The following ATP6V1H variants were observed in gnomAD, a reference collection of about 807,000 sequenced individuals.
ATP6V1H encodes ATPase H+ transporting V1 subunit H.
ATP6V1H carries 39 observed loss-of-function variants against 71.7 expected under a neutral mutation model. The observed-to-expected ratio is 0.54, with a 90% CI of 0.42 to 0.71. The LOEUF is 0.71. Ranked by LOEUF, ATP6V1H falls within the 30% of genes least tolerant of loss-of-function variation. The pLI is 0.00. For synonymous variants in ATP6V1H, 192 were observed against 199.3 expected (o/e 0.96, Z 0.31); for missense variants, 509 against 594.9 (o/e 0.86, Z 1.50).
intron 9 of ATP6V1H, 30 bp downstream of exon 9, chr8:53,795,617 C>T (rs1328927476): frequency 1.9e-6 from 3 of 1,601,252 alleles, no homozygotes; most frequent in Admixed American, 3.5e-5. Context: ...AAATGCCTCA[C>T]ATACACACAA....
chr8:53,782,015 G>A (rs567116682), intron 9 of ATP6V1H, among the ~76,000 whole-genome samples: 2 of 152,344 alleles, frequency 1.3e-5, no homozygotes, highest in South Asian at 2.1e-4. Flanking sequence ...GATTAACTTG[G>A]CAATGCAGGA....
intron 13 of ATP6V1H, among the ~76,000 whole-genome samples, chr8:53,719,212 C>G (rs1243331290): frequency 6.6e-6 from 1 of 151,986 alleles, no homozygotes; most frequent in African/African-American, 2.4e-5. Context: ...ACTTTATTGC[C>G]CAGGCTGGAG....
At chr8:53,747,764 A>T (rs558279949) in intron 12 of ATP6V1H, among the ~76,000 whole-genome samples, 517 of 151,996 alleles carry the variant, frequency 3.4e-3, no homozygotes, top group Non-Finnish European at 4.1e-3. Flanking sequence ...GCTTGTCTCA[A>T]ACTCGTGACC....
In ATP6V1H at chr8:53,721,927, C is replaced by T. The variant is rs536404882; in HGVS notation, c.1392-5903G>A. On this transcript the variant is annotated intron_variant, in intron 13 of 13. Transcript: ENST00000359530. ...ATGAAATTAAAAAGGAAAAAGAGAT[C>T]AGTGATTCTAAAAGTCTATTCGAGT... Among the ~76,000 whole-genome samples, 14 of 152,236 alleles carry T rather than the reference C, an allele frequency of 9.2e-5. 1 individual carries two copies. The South Asian group carries it at 2.7e-3, about 29-fold the overall frequency.
chr8:53,726,383 A>C (rs533140316), intron 13 of ATP6V1H, among the ~76,000 whole-genome samples: 18 of 152,322 alleles, frequency 1.2e-4, no homozygotes, highest in African/African-American at 4.3e-4. Flanking sequence ...TTATGAAAAG[A>C]CTATTCTTAT....
At chr8:53,803,330 C>G (rs550711877) in intron 7 of ATP6V1H, among the ~76,000 whole-genome samples, 3 of 150,946 alleles carry the variant, frequency 2.0e-5, no homozygotes, top group South Asian at 2.1e-4. Context: ...GAGTGAGACT[C>G]TATCTCAAAA....
At chr8:53,764,132 C>T (rs1365769864) in intron 11 of ATP6V1H, among the ~76,000 whole-genome samples, 4 of 152,172 alleles carry the variant, frequency 2.6e-5, no homozygotes, top group Admixed American at 2.6e-4. Flanking sequence ...TCTCTACAGT[C>T]TCTTCCAGAA....
At chr8:53,842,722 G>A (rs1331576894) in intron 1 of ATP6V1H, 1 of 152,282 alleles carries the variant, frequency 6.6e-6, no homozygotes, top group East Asian at 1.9e-4. Context: ...AATTACCTAA[G>A]TCCCTGAACT....
chr8:53,717,226 G>A (rs140306449), intron 13 of ATP6V1H, among the ~76,000 whole-genome samples: 259 of 152,328 alleles, frequency 1.7e-3, no homozygotes, highest in African/African-American at 5.9e-3. Flanking sequence ...TGCTACTGCC[G>A]CCTAGGCCAA....
At position 53,767,549 on chromosome 8, in the gene ATP6V1H, T is replaced by G. The variant is rs144300919; in HGVS notation, c.1175+2069A>C. ...TTTTTTTATAAAAAGAAAAAAGGTA[T>G]AAGAGTCATACTTCCTGTTTTCCAA... On this transcript the variant is annotated intron_variant, in intron 11 of 13. Transcript: ENST00000359530. Among the ~76,000 whole-genome samples, 335 of 152,236 alleles carry G rather than the reference T, an allele frequency of 2.2e-3. 2 individuals are homozygous for G. Among genetic ancestry groups the G allele is most frequent in the African/African-American group, 7.8e-3 (324 of 41,554 alleles).
chr8:53,788,684 G>A (rs1030950096), intron 9 of ATP6V1H, among the ~76,000 whole-genome samples: 36 of 152,294 alleles, frequency 2.4e-4, no homozygotes, highest in African/African-American at 8.2e-4. Flanking sequence ...GGGAGTTCAA[G>A]CCACTCTCCC....
intron 9 of ATP6V1H, among the ~76,000 whole-genome samples, chr8:53,795,252 T>C (rs1192434681): frequency 6.6e-6 from 1 of 152,184 alleles, no homozygotes; most frequent in Non-Finnish European, 1.5e-5. Flanking sequence ...ATCTTTATAG[T>C]TGCCTCAAAA....
At chr8:53,787,891 G>A (rs530209310) in intron 9 of ATP6V1H, among the ~76,000 whole-genome samples, 33 of 152,250 alleles carry the variant, frequency 2.2e-4, no homozygotes, top group Admixed American at 2.0e-3. Flanking sequence ...ATCATTAGCA[G>A]CTGCTAGATT....
intron 2 of ATP6V1H, among the ~76,000 whole-genome samples, chr8:53,838,886 T>C (rs1421531044): frequency 6.6e-6 from 1 of 152,226 alleles, no homozygotes; most frequent in African/African-American, 2.4e-5. Context: ...GATTCACTGA[T>C]TCTTCATGTG....
chr8:53,832,950 G>A, intron 3 of ATP6V1H, 34 bp downstream of exon 3: 1 of 1,414,800 alleles, frequency 7.1e-7, no homozygotes, highest in Non-Finnish European at 9.9e-7. Context: ...GGATGACACG[G>A]GGAAGTGTTC....
chr8:53,748,163 CA>C lies in ATP6V1H; in HGVS notation c.1278-4474del, dbSNP rs1183224342. On this transcript the variant is annotated intron_variant, in intron 12 of 13. Transcript: ENST00000359530. Reference sequence around the variant, plus strand: ...ACAGAGTGAGACTCCATCTCAAAAACAAAAAAAAAAGTGGTGGGAGAGACAG... The same window carrying C: ...ACAGAGTGAGACTCCATCTCAAAAACAAAAAAAAAGTGGTGGGAGAGACAG... Among the ~76,000 whole-genome samples the C allele has an allele frequency of 1.6e-4, 22 of 141,790 alleles. No homozygotes were observed. The East Asian group carries it at 1.7e-3, about 11-fold the overall frequency. 93.0% of individuals were successfully genotyped at this position (141,790 alleles called of 152,430 possible). A position where few individuals can be genotyped will look rare whatever the true frequency, so the allele number is the denominator to read the frequency against.
At chr8:53,817,346 T>C in intron 5 of ATP6V1H, 71 bp downstream of exon 5, 2 of 1,052,408 alleles carry the variant, frequency 1.9e-6, no homozygotes, top group Non-Finnish European at 1.4e-6. Context: ...AAGACCAGCC[T>C]GGACAACATA....
intron 1 of ATP6V1H, chr8:53,842,425 T>C (rs532760235): frequency 2.0e-5 from 3 of 152,324 alleles, no homozygotes; most frequent in South Asian, 2.1e-4. Flanking sequence ...ACGACTGATT[T>C]TAACACAAAG....
At chr8:53,827,446 T>C (rs942679192) in intron 4 of ATP6V1H, among the ~76,000 whole-genome samples, 9 of 151,920 alleles carry the variant, frequency 5.9e-5, no homozygotes, top group African/African-American at 1.5e-4. Context: ...AAAACTAAAA[T>C]AGAATACAAC....
Sources: gnomAD v4.1 joint callset for allele counts (sites outside exome capture counted in the v4.1 genomes callset) on GRCh38, gnomAD v4.1.1 for gene constraint, MANE v1.5 for transcripts, NCBI Gene and HGNC (gene_info 2026-07-23, HGNC 2026-07-21) for gene names.